AFF3: variants seen among roughly 807,000 people sequenced by gnomAD.
The protein encoded by AFF3 is AF4/FMR2 family member 3.
A neutral mutation model predicts 129.7 loss-of-function variants in AFF3; 32 were observed. The ratio of observed to expected loss-of-function variants is 0.25; its 90% confidence interval spans 0.19 to 0.33. The LOEUF (loss-of-function observed/expected upper bound fraction) is 0.33. Ranked by LOEUF, AFF3 falls within the 10% of genes least tolerant of loss-of-function variation. AFF3 has a pLI of 1.00. For synonymous variants in AFF3, 644 were observed against 635.4 expected (o/e 1.01, Z -0.20); for missense variants, 1,373 against 1,592.0 (o/e 0.86, Z 2.34).
At chr2:99,860,304 A>C (rs961201267) in intron 7 of AFF3, among the ~76,000 whole-genome samples, 4 of 152,240 alleles carry the variant, frequency 2.6e-5, no homozygotes, top group African/African-American at 9.6e-5. Flanking sequence ...CTGTAATCCC[A>C]GCACTCTGGG....
At chr2:99,796,765 C>T (rs1487887390) in intron 8 of AFF3, among the ~76,000 whole-genome samples, 2 of 152,108 alleles carry the variant, frequency 1.3e-5, no homozygotes, top group Admixed American at 1.3e-4. Flanking sequence ...AAAGAATCAT[C>T]TGAAAGGATT....
intron 7 of AFF3, among the ~76,000 whole-genome samples, chr2:99,942,556 G>A (rs971753581): frequency 7.4e-6 from 1 of 134,394 alleles, no homozygotes; most frequent in Non-Finnish European, 1.6e-5. Flanking sequence ...GCGGGGGGGG[G>A]GTCGCGGCAC....
chr2:99,601,283 C>A (rs548676147), intron 14 of AFF3, 152 bp downstream of exon 14: 4 of 905,502 alleles, frequency 4.4e-6, no homozygotes, highest in Non-Finnish European at 6.0e-6. Flanking sequence ...ATGTGGAGCC[C>A]GAAGCCCATA....
chr2:100,139,872 C>A (rs1692790908), intron 1 of AFF3, among the ~76,000 whole-genome samples: 1 of 152,106 alleles, frequency 6.6e-6, no homozygotes, highest in African/African-American at 2.4e-5. Context: ...ACAGTCATTG[C>A]AATTTAACTT....
chr2:99,929,918 C>CTT (rs550584146), intron 7 of AFF3, among the ~76,000 whole-genome samples: 2 of 141,874 alleles, frequency 1.4e-5, no homozygotes, highest in Admixed American at 7.1e-5. Context: ...GAATTTTTAG[C>CTT]TTTTTTTTTT....
At chr2:100,059,268 A>AG (rs1376710318) in intron 4 of AFF3, among the ~76,000 whole-genome samples, 10 of 151,058 alleles carry the variant, frequency 6.6e-5, no homozygotes, top group Non-Finnish European at 1.5e-4. Flanking sequence ...AAAAAAAAAA[A>AG]AAAAAAAAAA....
chr2:99,554,561 G>C (rs765512015), intron 23 of AFF3, 27 bp from the exon 24 acceptor site: 15 of 1,608,922 alleles, frequency 9.3e-6, no homozygotes, highest in Admixed American at 1.7e-5. Context: ...AGAAAAACCA[G>C]AGTGGCGAGG....
intron 24 of AFF3, among the ~76,000 whole-genome samples, chr2:99,554,020 T>A (rs1674678237): frequency 6.6e-6 from 1 of 151,754 alleles, no homozygotes; most frequent in Admixed American, 6.6e-5. Flanking sequence ...ACATTATTTG[T>A]CACAGTGGAA....
intron 8 of AFF3, among the ~76,000 whole-genome samples, chr2:99,783,076 G>T (rs547572573): frequency 6.6e-6 from 1 of 152,302 alleles, no homozygotes; most frequent in Admixed American, 6.5e-5. Flanking sequence ...CTTTGGCAGA[G>T]GATAGCGGTA....
At chr2:99,893,662 C>T (rs773087976) in intron 7 of AFF3, among the ~76,000 whole-genome samples, 5 of 152,194 alleles carry the variant, frequency 3.3e-5, no homozygotes, top group Admixed American at 2.6e-4. Flanking sequence ...TTTAACTCTA[C>T]AGTCTATGGC....
chr2:99,808,171 C>T (rs1429598414), intron 8 of AFF3, among the ~76,000 whole-genome samples: 1 of 152,194 alleles, frequency 6.6e-6, no homozygotes, highest in African/African-American at 2.4e-5. Context: ...TTTCCTCCCT[C>T]TTTCCACCTT....
At chr2:99,589,914 A>C (rs1353767590) in intron 15 of AFF3, among the ~76,000 whole-genome samples, 1 of 152,218 alleles carries the variant, frequency 6.6e-6, no homozygotes, top group Admixed American at 6.5e-5. Context: ...TCTGTCATGG[A>C]GGTGTCTACA....
In AFF3 at chr2:100,007,476, C is replaced by T; in HGVS notation, c.175-16G>A. 1 of 1,601,572 alleles carries T rather than the reference C, an allele frequency of 6.2e-7. No homozygotes were observed. The highest frequency in any genetic ancestry group is 8.5e-7 in the Non-Finnish European group (1 of 1,173,232). ...CCTTGTTAGTCTGGAGAAAGAAAAA[C>T]ACATCCACGCTATTGTTAGAGACAA... On this transcript the variant is annotated splice_polypyrimidine_tract_variant and intron_variant, in intron 5 of 24. Transcript: ENST00000672756.
intron 7 of AFF3, among the ~76,000 whole-genome samples, chr2:99,979,781 C>A (rs1679230725): frequency 6.6e-6 from 1 of 152,190 alleles, no homozygotes; most frequent in African/African-American, 2.4e-5. Flanking sequence ...CTGCACCCGG[C>A]CTATTCTGTT....
chr2:99,927,370 A>G (rs986283133), intron 7 of AFF3, among the ~76,000 whole-genome samples: 1 of 152,216 alleles, frequency 6.6e-6, no homozygotes, highest in Non-Finnish European at 1.5e-5. Flanking sequence ...AATGTGGCAC[A>G]TATACACCAT....
intron 2 of AFF3, chr2:100,106,523 G>T (rs768054902): frequency 1.0e-5 from 10 of 1,000,038 alleles, no homozygotes; most frequent in Non-Finnish European, 1.2e-5. Context: ...AAGTGAGATC[G>T]AGACATTGAG....
At chr2:99,661,045 C>T (rs910492834) in intron 12 of AFF3, among the ~76,000 whole-genome samples, 10 of 152,182 alleles carry the variant, frequency 6.6e-5, no homozygotes, top group African/African-American at 2.4e-4. Context: ...GTCGGTAAAT[C>T]CTTTACTATA....
intron 11 of AFF3, among the ~76,000 whole-genome samples, chr2:99,673,749 T>C (rs1243006495): frequency 1.3e-5 from 2 of 152,212 alleles, no homozygotes; most frequent in Non-Finnish European, 2.9e-5. Flanking sequence ...GGCCTATCAC[T>C]GATACATGCC....
chr2:99,563,810 CAAAAAAAAAAA>C (rs34843347), intron 20 of AFF3, among the ~76,000 whole-genome samples: 2 of 76,078 alleles, frequency 2.6e-5, no homozygotes, highest in African/African-American at 1.1e-4. Flanking sequence ...AATTTAGTCT[CAAAAAAAAAAA>C]AAAAAAAAAA....
Sources: gnomAD v4.1 joint callset for allele counts (sites outside exome capture counted in the v4.1 genomes callset) on GRCh38, gnomAD v4.1.1 for gene constraint, MANE v1.5 for transcripts, NCBI Gene and HGNC (gene_info 2026-07-23, HGNC 2026-07-21) for gene names.